The following RALYL variants were observed in gnomAD, a reference collection of about 807,000 sequenced individuals.
RALYL encodes RNA-binding Raly-like protein.
A neutral mutation model predicts 35.1 loss-of-function variants in RALYL; 29 were observed. That is an observed-to-expected ratio of 0.83 (90% CI 0.61 to 1.13). The LOEUF (loss-of-function observed/expected upper bound fraction) is 1.13. Ranked by LOEUF, RALYL falls within the 50% of genes most tolerant of loss-of-function variation. The probability of loss-of-function intolerance (pLI) is 0.00; values close to 1 mark genes in which losing one functional copy is unlikely to be tolerated. For missense variants in RALYL, 359 were observed against 360.4 expected, an observed-to-expected ratio of 1.00 and a Z score of 0.03; for synonymous variants, 120 against 127.6, an observed-to-expected ratio of 0.94 and a Z score of 0.40.
At chr8:84,836,840 T>C (rs1366717028) in intron 4 of RALYL, among the ~76,000 whole-genome samples, 1 of 152,238 alleles carries the variant, frequency 6.6e-6, no homozygotes, top group Non-Finnish European at 1.5e-5. Flanking sequence ...GCATTATTTT[T>C]ACATTATATC....
rs149722207 is a variant in RALYL at position 84,692,087 on chromosome 8, C to A, written c.257-82492C>A. On this transcript the variant is annotated intron_variant, in intron 2 of 8. Coordinates refer to ENST00000521268, the MANE Select transcript of RALYL (RefSeq NM_173848.7). ...AATAGAAGGGATGTCTTTAATGTAA[C>A]AAGTTTCTGAAAATAGAAAAACATG... 3.8e-3 allele frequency among the ~76,000 whole-genome samples: 576 copies of A among 151,820 alleles called. 6 individuals carry two copies. The highest frequency in any genetic ancestry group is 0.013 in the African/African-American group (546 of 41,466).
chr8:84,515,900 G>A (rs1007744543), intron 1 of RALYL, among the ~76,000 whole-genome samples: 9 of 151,904 alleles, frequency 5.9e-5, no homozygotes, highest in South Asian at 4.2e-4. Flanking sequence ...AAAATTCATC[G>A]TATGATTATT....
chr8:84,631,797 T>G (rs184837537), intron 2 of RALYL, among the ~76,000 whole-genome samples: 2 of 152,068 alleles, frequency 1.3e-5, no homozygotes, highest in Middle Eastern at 3.4e-3. Flanking sequence ...GGACTTACAT[T>G]CTGCGGATTC....
At chr8:84,565,680 A>G (rs1460526167) in intron 2 of RALYL, among the ~76,000 whole-genome samples, 1 of 151,556 alleles carries the variant, frequency 6.6e-6, no homozygotes, top group African/African-American at 2.4e-5. Context: ...ATAGTTATGG[A>G]ATTAATGTCT....
chr8:84,870,391 G>C (rs1030799796), intron 6 of RALYL, among the ~76,000 whole-genome samples: 1 of 151,526 alleles, frequency 6.6e-6, no homozygotes, highest in Non-Finnish European at 1.5e-5. Context: ...CCAAGTAGCT[G>C]GGATTACAGG....
At chr8:84,248,799 A>G (rs1829631385) in intron 1 of RALYL, among the ~76,000 whole-genome samples, 1 of 152,110 alleles carries the variant, frequency 6.6e-6, no homozygotes, top group South Asian at 2.1e-4. Context: ...TATAAGTAGC[A>G]GCAGTTTCAT....
At chr8:84,426,115 A>G (rs930834909) in intron 1 of RALYL, among the ~76,000 whole-genome samples, 7 of 152,102 alleles carry the variant, frequency 4.6e-5, no homozygotes, top group Non-Finnish European at 8.8e-5. Flanking sequence ...TAATGTGTGT[A>G]TTTAAGGTAT....
chr8:84,593,954 A>G (rs1208422020), intron 2 of RALYL, among the ~76,000 whole-genome samples: 2 of 152,030 alleles, frequency 1.3e-5, no homozygotes, highest in Non-Finnish European at 2.9e-5. Context: ...GCTTTGCCTC[A>G]TGGACAACTA....
At chr8:84,472,264 C>A (rs1217017523) in intron 1 of RALYL, among the ~76,000 whole-genome samples, 1 of 152,090 alleles carries the variant, frequency 6.6e-6, no homozygotes, top group African/African-American at 2.4e-5. Context: ...AGGTATGCTT[C>A]CTCTTATTTC....
intron 1 of RALYL, among the ~76,000 whole-genome samples, chr8:84,526,581 C>T (rs1000078415): frequency 1.3e-5 from 2 of 152,178 alleles, no homozygotes; most frequent in Middle Eastern, 3.2e-3. Context: ...CGTTTGCATA[C>T]ATGACTTAGA....
intron 2 of RALYL, among the ~76,000 whole-genome samples, chr8:84,592,771 A>C (rs751774543): frequency 2.6e-5 from 4 of 152,150 alleles, no homozygotes; most frequent in African/African-American, 4.8e-5. Context: ...GTTTCAGAAA[A>C]TGTTTCAGTA....
chr8:84,529,326 C>G lies in RALYL; in HGVS notation c.5C>G (p.Thr2Ser). The G allele has an allele frequency of 6.4e-7, 1 of 1,570,588 alleles. No individual in the cohort carries two copies. The highest frequency in any genetic ancestry group is 8.7e-7 in the Non-Finnish European group (1 of 1,155,808). M[T>S]GKTQTSNVTN... The stretch of plus-strand genomic sequence containing the variant: ...TTAAAGCAAGGAGAGCCAATCATGA[C>G]TGGCAAAACACAGACCAGCAACGTC... The change falls in exon 2 of 9, where the codon ACT (threonine) becomes AGT (serine). Residue 2 changes from threonine to serine, a missense_variant. Thr to Ser is a moderately conservative substitution (Grantham distance 58). Transcript: ENST00000521268.
rs900674270 is a variant in RALYL, at chr8:84,615,600, T to C, written c.256+86023T>C. On this transcript the variant is annotated intron_variant, in intron 2 of 8. Transcript: ENST00000521268. ...TTTTTTTTTTTTTTTTTTTTTTTTT[T>C]ACTTATTATTATACTTTAAGTTTTA... 5.4e-5 allele frequency among the ~76,000 whole-genome samples: 7 copies of C among 128,924 alleles called. No homozygotes were observed. In the South Asian group the frequency reaches 1.4e-3, roughly 27 times the overall value. The allele number at this position is 128,924 out of a possible 152,430, so 84.6% of individuals were successfully genotyped here. A position where few individuals can be genotyped will look rare whatever the true frequency, so the allele number is the denominator to read the frequency against.
At chr8:84,345,703 T>A (rs1849714618) in intron 1 of RALYL, among the ~76,000 whole-genome samples, 1 of 152,018 alleles carries the variant, frequency 6.6e-6, no homozygotes. Flanking sequence ...ACACATCTCA[T>A]TCACTTCCCC....
At chr8:84,512,450 C>A (rs2057702437) in intron 1 of RALYL, among the ~76,000 whole-genome samples, 1 of 151,892 alleles carries the variant, frequency 6.6e-6, no homozygotes, top group Non-Finnish European at 1.5e-5. Flanking sequence ...GGATACTGGT[C>A]CCTTGTCAGA....
chr8:84,372,030 A>G (rs949484137), intron 1 of RALYL, among the ~76,000 whole-genome samples: 2 of 152,116 alleles, frequency 1.3e-5, no homozygotes, highest in Admixed American at 6.6e-5. Context: ...AAAAACTAAA[A>G]ACAAAACAAA....
At chr8:84,225,331 A>G (rs865986266) in intron 1 of RALYL, among the ~76,000 whole-genome samples, 1 of 152,182 alleles carries the variant, frequency 6.6e-6, no homozygotes, top group South Asian at 2.1e-4. Flanking sequence ...TTCTCTACAT[A>G]GCAGTTAGAA....
At chr8:84,321,813 C>CA (rs1844877162) in intron 1 of RALYL, among the ~76,000 whole-genome samples, 1 of 151,990 alleles carries the variant, frequency 6.6e-6, no homozygotes, top group African/African-American at 2.4e-5. Context: ...AGCTTTAAGA[C>CA]AGACTTAAAG....
At chr8:84,246,476 A>C (rs568777360) in intron 1 of RALYL, among the ~76,000 whole-genome samples, 9 of 152,300 alleles carry the variant, frequency 5.9e-5, no homozygotes, top group Non-Finnish European at 1.2e-4. Context: ...TCCCTGAAGA[A>C]GTGATATTTA....
Sources: gnomAD v4.1 joint callset for allele counts (sites outside exome capture counted in the v4.1 genomes callset) on GRCh38, gnomAD v4.1.1 for gene constraint, MANE v1.5 for transcripts, NCBI Gene and HGNC (gene_info 2026-07-23, HGNC 2026-07-21) for gene names.